ERICH1: variants seen among roughly 807,000 people sequenced by gnomAD.
ERICH1 encodes the protein glutamate-rich protein 1.
A neutral mutation model predicts 39.6 loss-of-function variants in ERICH1; 56 were observed. That is an observed-to-expected ratio of 1.41 (90% CI 1.14 to 1.77). The LOEUF is 1.77. Among genes scored for constraint, ERICH1 ranks in the 40% most tolerant of loss-of-function variants. The pLI is 0.00. For synonymous variants in ERICH1, 313 were observed against 223.6 expected, an observed-to-expected ratio of 1.40 and a Z score of -3.57; for missense variants, 826 against 575.4, an observed-to-expected ratio of 1.44 and a Z score of -4.45.
At chr8:620,085 G>A (rs190214891) in intron 3 of ERICH1, among the ~76,000 whole-genome samples, 2,298 of 151,874 alleles carry the variant, frequency 0.015, 34 homozygotes, top group African/African-American at 0.047. Context: ...AGGCCAAGGT[G>A]GGTGGATCAC....
chr8:686,334 A>G (rs1807362507), intron 3 of ERICH1, among the ~76,000 whole-genome samples: 4 of 152,210 alleles, frequency 2.6e-5, no homozygotes, highest in South Asian at 2.1e-4. Flanking sequence ...TCTAATCCAA[A>G]TTGCTTAGGA....
chr8:723,818 AT>A (rs995329992), intron 1 of ERICH1, among the ~76,000 whole-genome samples: 1 of 151,478 alleles, frequency 6.6e-6, no homozygotes, highest in East Asian at 1.9e-4. Flanking sequence ...TCACTGTGGG[AT>A]TTTTTTTTCA....
At chr8:723,818 A>AT (rs995329992) in intron 1 of ERICH1, among the ~76,000 whole-genome samples, 38 of 151,590 alleles carry the variant, frequency 2.5e-4, no homozygotes, top group South Asian at 8.4e-4. Context: ...TCACTGTGGG[A>AT]TTTTTTTTTC....
intron 3 of ERICH1, among the ~76,000 whole-genome samples, chr8:674,647 TC>T (rs527546749): frequency 7.9e-5 from 12 of 152,322 alleles, no homozygotes; most frequent in East Asian, 3.9e-4. Context: ...TATGGGCCTT[TC>T]CCTCTATGGG....
chr8:694,791 T>C (rs987106068), intron 2 of ERICH1, among the ~76,000 whole-genome samples: 3 of 152,194 alleles, frequency 2.0e-5, no homozygotes, highest in African/African-American at 7.2e-5. Flanking sequence ...AGTTGAACGT[T>C]ACATGTCTTG....
intron 3 of ERICH1, among the ~76,000 whole-genome samples, chr8:617,294 G>A (rs538713462): frequency 6.6e-6 from 1 of 152,284 alleles, no homozygotes; most frequent in East Asian, 1.9e-4. Flanking sequence ...GTGGTTCAGG[G>A]CAGCTCAGAG....
rs149194859 is a variant in ERICH1, at chr8:618,871, G to C, written c.977-3587C>G. ...ATCAGTGGTGGAAATTTCAAAGGTA[G>C]AGGACACAGCTGCCGTCTTGGGAGT... On this transcript the variant is annotated intron_variant, in intron 3 of 3. Coordinates refer to the ERICH1 transcript ENST00000522706. 1.8e-4 allele frequency among the ~76,000 whole-genome samples: 27 copies of C among 152,274 alleles called. No individual in the cohort carries two copies. In the East Asian group the frequency reaches 5.0e-3, roughly 28 times the overall value.
intron 1 of ERICH1, among the ~76,000 whole-genome samples, chr8:724,790 C>T (rs1818190455): frequency 6.6e-6 from 1 of 152,202 alleles, no homozygotes; most frequent in Admixed American, 6.5e-5. Context: ...CACCGACAAG[C>T]CCCGTGTTGT....
At chr8:711,690 G>C (rs1394974060) in intron 2 of ERICH1, among the ~76,000 whole-genome samples, 1 of 152,064 alleles carries the variant, frequency 6.6e-6, no homozygotes, top group Non-Finnish European at 1.5e-5. Context: ...TTAGAGACAG[G>C]GTTTCACCAT....
At chr8:692,836 A>G (rs1380501233) in intron 2 of ERICH1, among the ~76,000 whole-genome samples, 2 of 152,244 alleles carry the variant, frequency 1.3e-5, no homozygotes, top group African/African-American at 4.8e-5. Flanking sequence ...GGAACTGCCC[A>G]TGATTGTTTG....
At chr8:616,208 G>A (rs1172768227) in intron 3 of ERICH1, 4 of 221,354 alleles carry the variant, frequency 1.8e-5, no homozygotes, top group South Asian at 6.0e-5. Flanking sequence ...CCTGAAAAGT[G>A]TAGTCACATA....
At chr8:627,740 G>A (rs917497353) in intron 3 of ERICH1, among the ~76,000 whole-genome samples, 1 of 152,206 alleles carries the variant, frequency 6.6e-6, no homozygotes, top group African/African-American at 2.4e-5. Context: ...ATGTTCAGCC[G>A]CAGGGGAGTT....
intron 3 of ERICH1, among the ~76,000 whole-genome samples, chr8:689,838 T>C (rs1486314099): frequency 6.6e-6 from 1 of 152,186 alleles, no homozygotes. Context: ...CCCAGAGGAA[T>C]GTCCACATCA....
chr8:655,572 A>G (rs1338928500), intron 3 of ERICH1, among the ~76,000 whole-genome samples: 1 of 151,776 alleles, frequency 6.6e-6, no homozygotes, highest in Non-Finnish European at 1.5e-5. Context: ...TCACGCAGCA[A>G]CCTTCATCAC....
intron 5 of ERICH1, among the ~76,000 whole-genome samples, chr8:665,623 T>A (rs1003761629): frequency 6.6e-6 from 1 of 152,212 alleles, no homozygotes; most frequent in African/African-American, 2.4e-5. Flanking sequence ...TGTTCGGAAA[T>A]CCTCAGCCCT....
intron 3 of ERICH1, among the ~76,000 whole-genome samples, chr8:643,094 C>T (rs1474497817): frequency 6.6e-6 from 1 of 151,982 alleles, no homozygotes; most frequent in African/African-American, 2.4e-5. Context: ...ACATCGGGTG[C>T]CCTTCAAGGT....
intron 2 of ERICH1, among the ~76,000 whole-genome samples, chr8:704,084 T>G (rs1412663251): frequency 2.0e-5 from 3 of 152,188 alleles, no homozygotes; most frequent in African/African-American, 7.2e-5. Context: ...TGTTAAAGAC[T>G]TCCAGTGTGA....
intron 3 of ERICH1, among the ~76,000 whole-genome samples, chr8:679,565 C>T (rs1805650995): frequency 6.6e-6 from 1 of 152,182 alleles, no homozygotes; most frequent in African/African-American, 2.4e-5. Context: ...GATGCTGCTA[C>T]AAATATTCCA....
At chr8:634,053 G>A (rs879567628) in intron 3 of ERICH1, among the ~76,000 whole-genome samples, 8 of 151,462 alleles carry the variant, frequency 5.3e-5, no homozygotes, top group African/African-American at 1.2e-4. Context: ...AAAACATTTC[G>A]TCCATCAAAT....
Sources: gnomAD v4.1 joint callset for allele counts (sites outside exome capture counted in the v4.1 genomes callset) on GRCh38, gnomAD v4.1.1 for gene constraint, MANE v1.5 for transcripts, NCBI Gene and HGNC (gene_info 2026-07-23, HGNC 2026-07-21) for gene names.